The following COL23A1 variants were observed in gnomAD, a reference collection of about 807,000 sequenced individuals.
COL23A1 encodes collagen alpha-1(XXIII) chain.
A neutral mutation model predicts 99.3 loss-of-function variants in COL23A1; 97 were observed. The ratio of observed to expected loss-of-function variants is 0.98; its 90% CI spans 0.83 to 1.16. The LOEUF is 1.16. COL23A1 is among the 50% of genes most tolerant of loss of function. The probability of loss-of-function intolerance (pLI) is 0.00; values close to 1 mark genes in which losing one functional copy is unlikely to be tolerated. For missense variants in COL23A1, 762 were observed against 757.4 expected (o/e 1.01, Z -0.07); for synonymous variants, 320 against 308.2 (o/e 1.04, Z -0.40).
intron 2 of COL23A1, among the ~76,000 whole-genome samples, chr5:178,473,873 C>T (rs978881238): frequency 2.8e-4 from 42 of 152,312 alleles, no homozygotes; most frequent in African/African-American, 9.9e-4. Flanking sequence ...AAGAAAGATG[C>T]TGAACAACCA....
chr5:178,297,316 T>C (rs1295592874), intron 3 of COL23A1, among the ~76,000 whole-genome samples: 1 of 151,996 alleles, frequency 6.6e-6, no homozygotes, highest in African/African-American at 2.4e-5. Flanking sequence ...AGGTCAGGAG[T>C]TAGAGACCAG....
At position 178,547,989 on chromosome 5, in the gene COL23A1, C is replaced by A. The variant is rs868705662; in HGVS notation, c.361+12693G>T. 3.9e-4 allele frequency among the ~76,000 whole-genome samples: 12 copies of A among 30,664 alleles called. 1 individual carries two copies. Among genetic ancestry groups the A allele is most frequent in the African/African-American group, 2.1e-3 (11 of 5,200 alleles). The allele number at this position is 30,664 out of a possible 152,430, so 20.1% of individuals were successfully genotyped here. On this transcript the variant is annotated intron_variant, in intron 2 of 28. Transcript: ENST00000390654. The stretch of plus-strand genomic sequence containing the variant: ...ACACCCACATACCCACACCCACCCC[C>A]CACACACCCCCATACCCACCCACAC...
intron 3 of COL23A1, among the ~76,000 whole-genome samples, chr5:178,298,891 T>C (rs1757888844): frequency 6.6e-6 from 1 of 152,240 alleles, no homozygotes; most frequent in Non-Finnish European, 1.5e-5. Context: ...AGAAAACTTG[T>C]GGATTTCATC....
chr5:178,245,085 ATCCATCCG>A (rs201354538), intron 25 of COL23A1, among the ~76,000 whole-genome samples: 1 of 140,908 alleles, frequency 7.1e-6, no homozygotes, highest in African/African-American at 2.8e-5. Flanking sequence ...TCTATCATCC[ATCCATCCG>A]TCCATCCATC....
intron 2 of COL23A1, among the ~76,000 whole-genome samples, chr5:178,518,690 C>T (rs1406531440): frequency 2.7e-4 from 40 of 145,676 alleles, no homozygotes; most frequent in African/African-American, 9.2e-4. Context: ...CTCCTCACAT[C>T]CCAGACGATG....
intron 2 of COL23A1, among the ~76,000 whole-genome samples, chr5:178,546,931 A>G (rs1761613536): frequency 6.6e-6 from 1 of 152,138 alleles, no homozygotes; most frequent in Admixed American, 6.5e-5. Context: ...CTGGAGGAAC[A>G]CGGAGGAGGC....
Position 178,306,977 on chromosome 5 carries a change from G to T in COL23A1, c.362-58C>A. 3 of 1,301,420 alleles carry T rather than the reference G, an allele frequency of 2.3e-6. No individual in the cohort carries two copies. Among genetic ancestry groups the T allele is most frequent in the African/African-American group, 1.5e-5 (1 of 64,740 alleles). 80.6% of individuals were successfully genotyped at this position (1,301,420 alleles called of 1,614,324 possible). A position where few individuals can be genotyped will look rare whatever the true frequency, so the allele number is the denominator to read the frequency against. On this transcript the variant is annotated intron_variant, in intron 2 of 28. Coordinates refer to ENST00000390654, the MANE Select transcript of COL23A1 (RefSeq NM_173465.4). The surrounding 1 kb of genome is among the most constrained non-coding windows in gnomAD (Gnocchi z 4.1). ...AAGGGAAGCCAGTGGACTTGGCTGC[G>T]TGGGGCATGCCCCAGCCACCCACCT... is the stretch of plus-strand genomic sequence containing the variant.
At chr5:178,266,293 G>A (rs1050340087) in intron 8 of COL23A1, among the ~76,000 whole-genome samples, 14 of 151,930 alleles carry the variant, frequency 9.2e-5, no homozygotes, top group Non-Finnish European at 1.3e-4. Context: ...CACCTGCCTC[G>A]ACCTCCCAAA....
At chr5:178,572,630 T>A (rs72648840) in intron 1 of COL23A1, among the ~76,000 whole-genome samples, 12,379 of 152,224 alleles carry the variant, frequency 0.081, 934 homozygotes, top group East Asian at 0.39. Context: ...TCTTAAAAAG[T>A]TAATAATACA....
intron 25 of COL23A1, among the ~76,000 whole-genome samples, chr5:178,244,038 G>C (rs1764544601): frequency 6.6e-6 from 1 of 152,214 alleles, no homozygotes; most frequent in Admixed American, 6.5e-5. Context: ...GGAGCACAGT[G>C]GCACGATCTC....
rs1249855896 is a variant in COL23A1, at chr5:178,523,193, T to G, written c.361+37489A>C. Reference sequence around the variant, plus strand: ...ATATATATATACACATATATATATATATATATATAGAGAGAGAGAGAGAGA... The same window carrying G: ...ATATATATATACACATATATATATAGATATATATAGAGAGAGAGAGAGAGA... On this transcript the variant is annotated intron_variant, in intron 2 of 28. Coordinates refer to ENST00000390654, the MANE Select transcript of COL23A1 (RefSeq NM_173465.4). Among the ~76,000 whole-genome samples the G allele has an allele frequency of 2.1e-3, 169 of 80,004 alleles. 1 individual carries two copies. Among genetic ancestry groups the G allele is most frequent in the African/African-American group, 5.5e-3 (141 of 25,442 alleles). The allele number at this position is 80,004 out of a possible 152,430, so 52.5% of individuals were successfully genotyped here.
At chr5:178,270,022 T>C (rs1192648918) in intron 6 of COL23A1, among the ~76,000 whole-genome samples, 1 of 152,156 alleles carries the variant, frequency 6.6e-6, no homozygotes, top group Non-Finnish European at 1.5e-5. Context: ...GCTCGCATGC[T>C]TTGAGGGCTG....
At chr5:178,294,198 GT>G (rs1016399264) in intron 3 of COL23A1, among the ~76,000 whole-genome samples, 5 of 151,876 alleles carry the variant, frequency 3.3e-5, no homozygotes, top group African/African-American at 1.2e-4. Context: ...GAACCCAGTG[GT>G]GCCTTCCACG....
chr5:178,286,223 C>T (rs1263034584), intron 5 of COL23A1, among the ~76,000 whole-genome samples: 1 of 152,144 alleles, frequency 6.6e-6, no homozygotes, highest in Non-Finnish European at 1.5e-5. Flanking sequence ...CCTGCTCAGG[C>T]CTCCCAGTGA....
Position 178,313,152 on chromosome 5 carries a change from G to C in COL23A1, c.362-6233C>G, listed in dbSNP as rs1332538697. On this transcript the variant is annotated intron_variant, in intron 2 of 28. Coordinates refer to ENST00000390654, the MANE Select transcript of COL23A1 (RefSeq NM_173465.4). The surrounding 1 kb of genome is among the most constrained non-coding windows in gnomAD (Gnocchi z 4.2). ...GCTCCTGCAGTCGCCAGATTCACAG[G>C]GGCAGAAGGTGGAATAGGGGGTGCC... Among the ~76,000 whole-genome samples, 2 of 152,182 alleles carry C rather than the reference G, an allele frequency of 1.3e-5. No homozygotes were observed. The highest frequency in any genetic ancestry group is 2.1e-4 in the South Asian group (1 of 4,832).
intron 2 of COL23A1, among the ~76,000 whole-genome samples, chr5:178,311,826 G>A (rs1401908991): frequency 6.6e-6 from 1 of 150,756 alleles, no homozygotes; most frequent in Non-Finnish European, 1.5e-5. Flanking sequence ...CGCCTCCCAG[G>A]TTCAAGCGAC....
chr5:178,555,871 A>G (rs1581630475), intron 2 of COL23A1, among the ~76,000 whole-genome samples: 1 of 152,140 alleles, frequency 6.6e-6, no homozygotes, highest in Non-Finnish European at 1.5e-5. Flanking sequence ...TTCAGGACCC[A>G]CCTGGCCAGA....
intron 2 of COL23A1, among the ~76,000 whole-genome samples, chr5:178,453,127 ATGC>A (rs144684986): frequency 0.019 from 2,853 of 152,302 alleles, 88 homozygotes; most frequent in African/African-American, 0.062. Flanking sequence ...TCTCCATGAC[ATGC>A]TGTTAAGTGA....
At chr5:178,448,590 G>A (rs909167220) in intron 2 of COL23A1, among the ~76,000 whole-genome samples, 4 of 152,226 alleles carry the variant, frequency 2.6e-5, no homozygotes, top group Non-Finnish European at 5.9e-5. Flanking sequence ...ATCATAAGCT[G>A]GTCGAAGGCA....
Sources: gnomAD v4.1 joint callset for allele counts (sites outside exome capture counted in the v4.1 genomes callset) on GRCh38, gnomAD v4.1.1 for gene constraint, Gnocchi (gnomAD v3.1) non-coding constraint, MANE v1.5 for transcripts, NCBI Gene and HGNC (gene_info 2026-07-23, HGNC 2026-07-21) for gene names.